The following ARFGEF3 variants were observed in gnomAD, a reference collection of about 807,000 sequenced individuals.
The protein encoded by ARFGEF3 is brefeldin A-inhibited guanine nucleotide-exchange protein 3.
In ARFGEF3, 96 loss-of-function variants were observed where a neutral mutation model predicts 221.7. The ratio of observed to expected loss-of-function variants is 0.43; its 90% CI spans 0.37 to 0.51. The LOEUF is 0.51. ARFGEF3 is among the 20% of genes least tolerant of loss of function. The pLI, the probability that ARFGEF3 is intolerant of heterozygous loss-of-function variation, is 0.00. For missense variants in ARFGEF3, 2,410 were observed against 2,789.9 expected, an observed-to-expected ratio of 0.86 and a Z score of 3.07; for synonymous variants, 1,145 against 1,126.8, an observed-to-expected ratio of 1.02 and a Z score of -0.32.
At chr6:138,265,678 T>C (rs1053199579) in intron 12 of ARFGEF3, among the ~76,000 whole-genome samples, 2 of 152,190 alleles carry the variant, frequency 1.3e-5, no homozygotes, top group Non-Finnish European at 2.9e-5. Context: ...CAAATCCTCC[T>C]TCAACCAACA....
intron 29 of ARFGEF3, 30 bp from the exon 30 acceptor site, chr6:138,323,635 CAAAAAA>C (rs370204274): frequency 1.8e-6 from 2 of 1,135,594 alleles, no homozygotes; most frequent in African/African-American, 3.2e-5. Flanking sequence ...ACAACAACAA[CAAAAAA>C]AAAACTCCTT....
rs1165613193 is a variant in ARFGEF3, at chr6:138,292,518, T to G, written c.3368+465T>G. ...GTTACTTATTGATGCCCAACAACCA[T>G]GCGAGGGTGAAGAGGGAAAATCACC... is the stretch of plus-strand genomic sequence containing the variant. On this transcript the variant is annotated intron_variant, in intron 19 of 33. Transcript: ENST00000251691. Among the ~76,000 whole-genome samples, 10 of 152,344 alleles carry G rather than the reference T, an allele frequency of 6.6e-5. No individual in the cohort carries two copies. The East Asian group carries it at 1.9e-3, about 29-fold the overall frequency.
chr6:138,285,905 G>C, intron 14 of ARFGEF3, 41 bp from the exon 15 acceptor site: 1 of 1,196,738 alleles, frequency 8.4e-7, no homozygotes, highest in Non-Finnish European at 1.2e-6. Flanking sequence ...TTTGACTGGA[G>C]TGTTTTATTT....
chr6:138,270,660 G>A (rs964104747), intron 12 of ARFGEF3, among the ~76,000 whole-genome samples: 1 of 152,190 alleles, frequency 6.6e-6, no homozygotes, highest in Non-Finnish European at 1.5e-5. Context: ...TAGGTGAAAG[G>A]TGAGGATTCA....
intron 32 of ARFGEF3, among the ~76,000 whole-genome samples, chr6:138,332,730 T>C (rs1423171667): frequency 6.6e-6 from 1 of 152,216 alleles, no homozygotes; most frequent in Admixed American, 6.5e-5. Flanking sequence ...TATCACTGAA[T>C]TGTGTACATC....
chr6:138,338,041 T>C lies in ARFGEF3; in HGVS notation c.*1555T>C, dbSNP rs1210495820. 1 of 152,228 alleles carries C rather than the reference T, an allele frequency of 6.6e-6. No homozygotes were observed. The highest frequency in any genetic ancestry group is 2.4e-5 in the African/African-American group (1 of 41,472). 9.4% of individuals were successfully genotyped at this position (152,228 alleles called of 1,614,324 possible). ...GAGGAAGGCAGTGTTCTGACTTCTT[T>C]AGGTGATCTGAAAAAAACACCCTTA... On this transcript the variant is annotated 3_prime_UTR_variant, in exon 34 of 34. Coordinates refer to ENST00000251691, the MANE Select transcript of ARFGEF3 (RefSeq NM_020340.5).
chr6:138,322,369 C>T (rs984485322), intron 29 of ARFGEF3, among the ~76,000 whole-genome samples: 7 of 152,084 alleles, frequency 4.6e-5, no homozygotes, highest in Non-Finnish European at 8.8e-5. Flanking sequence ...AGACCCGGCC[C>T]GATGATTCAG....
chr6:138,284,528 G>A (rs1327293904), intron 14 of ARFGEF3, among the ~76,000 whole-genome samples: 1 of 152,150 alleles, frequency 6.6e-6, no homozygotes, highest in Non-Finnish European at 1.5e-5. Context: ...CTAAAGCTTA[G>A]CCTTCTCAAC....
chr6:138,234,734 A>G (rs1778253985), intron 5 of ARFGEF3, among the ~76,000 whole-genome samples: 1 of 152,154 alleles, frequency 6.6e-6, no homozygotes, highest in African/African-American at 2.4e-5. Flanking sequence ...GCTTTTTTAT[A>G]GCTTAATCTC....
chr6:138,164,392 C>T (rs1033263285), intron 1 of ARFGEF3, among the ~76,000 whole-genome samples: 2 of 152,204 alleles, frequency 1.3e-5, no homozygotes, highest in Non-Finnish European at 2.9e-5. Flanking sequence ...TTTGCCTTTG[C>T]TCTTGCTAGT....
rs1337929074 is a variant in ARFGEF3, at chr6:138,191,057, C to T, written c.138-15985C>T. Among the ~76,000 whole-genome samples, 4 of 152,188 alleles carry T rather than the reference C, an allele frequency of 2.6e-5. No individual in the cohort carries two copies. The East Asian group carries it at 5.8e-4, about 22-fold the overall frequency. On this transcript the variant is annotated intron_variant, in intron 2 of 33. Transcript: ENST00000251691. ...AATGGACAGGATAATAGCCACTGCC[C>T]CAATTCCTGTGAGGATTAAATGAGC... is the stretch of plus-strand genomic sequence containing the variant.
chr6:138,334,752 C>T lies in ARFGEF3; in HGVS notation c.5906C>T (p.Ser1969Phe). ...ETPSEDDRSQ[S>F]REHMGESLSL... ...CCTTCCGAGGATGACAGAAGCCAGT[C>T]CCGGGAGCACATGGGCGAGTCCCTG... Residue 1969 changes from serine to phenylalanine, a missense_variant, in exon 33 of 34, where the codon TCC becomes TTC. By Grantham distance (155) the Ser-to-Phe change is radical. Coordinates refer to ENST00000251691, the MANE Select transcript of ARFGEF3 (RefSeq NM_020340.5). The surrounding 1 kb of genome is among the most constrained non-coding windows in gnomAD (Gnocchi z 5.1). 6.2e-7 allele frequency: 1 copy of T among 1,610,688 alleles called. No homozygotes were observed. Among genetic ancestry groups the T allele is most frequent in the Non-Finnish European group, 8.5e-7 (1 of 1,177,934 alleles).
chr6:138,293,032 T>C (rs1208727632), intron 19 of ARFGEF3, among the ~76,000 whole-genome samples: 1 of 152,216 alleles, frequency 6.6e-6, no homozygotes, highest in African/African-American at 2.4e-5. Context: ...GAAAAATATA[T>C]TTGTTTCAAT....
chr6:138,293,028 T>G (rs1779440818), intron 19 of ARFGEF3, among the ~76,000 whole-genome samples: 1 of 152,052 alleles, frequency 6.6e-6, no homozygotes, highest in Non-Finnish European at 1.5e-5. Context: ...GCAAGAAAAA[T>G]ATATTTGTTT....
At chr6:138,196,533 G>A (rs150367479) in intron 2 of ARFGEF3, among the ~76,000 whole-genome samples, 17 of 152,320 alleles carry the variant, frequency 1.1e-4, no homozygotes, top group Admixed American at 9.8e-4. Flanking sequence ...AGGACTGGAC[G>A]TTGCTCTGGG....
Position 138,335,135 on chromosome 6 carries a change from T to G in ARFGEF3, c.6289T>G (p.Ser2097Ala). The change falls in exon 33 of 34, where the codon TCC becomes GCC. Residue 2097 changes from serine to alanine, a missense_variant. This residue lies in a region of ARFGEF3 where 339 missense variants were observed against 334.9 expected (regional missense o/e 1.01). Coordinates refer to ENST00000251691, the MANE Select transcript of ARFGEF3 (RefSeq NM_020340.5). ...ACAGGACAAGAGGCCCCGCTCAGGC[T>G]CCACCGGGAGCTCCCTCAGTGTCTC... ...LRQDKRPRSG[S>A]TGSSLSVSVR... The G allele has an allele frequency of 6.3e-7, 1 of 1,583,626 alleles. No homozygotes were observed.
At chr6:138,265,259 C>T (rs1387967079) in intron 12 of ARFGEF3, among the ~76,000 whole-genome samples, 3 of 152,088 alleles carry the variant, frequency 2.0e-5, no homozygotes, top group Non-Finnish European at 2.9e-5. Flanking sequence ...AAAGGAGACA[C>T]AGAATTTTTA....
chr6:138,263,681 C>T, intron 12 of ARFGEF3, 70 bp downstream of exon 12: 3 of 1,337,260 alleles, frequency 2.2e-6, no homozygotes, highest in Non-Finnish European at 3.1e-6. Flanking sequence ...TGGGCAATTA[C>T]TATCATGCTT....
At position 138,336,641 on chromosome 6, in the gene ARFGEF3, CTGATCAGCATTG is replaced by C; in HGVS notation, c.*156_*167del. 3.5e-6 allele frequency: 2 copies of C among 565,308 alleles called. No individual in the cohort carries two copies. The highest frequency in any genetic ancestry group is 6.0e-6 in the Non-Finnish European group (2 of 332,564). The allele number at this position is 565,308 out of a possible 1,614,324, so 35.0% of individuals were successfully genotyped here. On this transcript the variant is annotated 3_prime_UTR_variant, in exon 34 of 34. Transcript: ENST00000251691. The stretch of plus-strand genomic sequence containing the variant: ...CTAATGTAAAAAGCCTTTCCAACCA[CTGATCAGCATTG>C]GGGCCATACTAAGGTTTGTATCTAG...
Sources: allele counts gnomAD v4.1 joint callset (sites outside exome capture counted in the v4.1 genomes callset), GRCh38; gene constraint gnomAD v4.1.1; regional missense constraint gnomAD v4.1.1; non-coding constraint Gnocchi (gnomAD v3.1); transcripts MANE v1.5; gene names NCBI Gene and HGNC (gene_info 2026-07-23, HGNC 2026-07-21).